The following RANBP17 variants were observed in gnomAD, a reference collection of about 807,000 sequenced individuals.
RANBP17 encodes the protein ran-binding protein 17.
Under a neutral mutation model 141.2 loss-of-function variants are expected in RANBP17, and 158 were observed. That is an observed-to-expected ratio of 1.12 (90% confidence interval 0.98 to 1.28). RANBP17 has a LOEUF of 1.28. Ranked by LOEUF, RANBP17 falls within the 50% of genes most tolerant of loss-of-function variation. RANBP17 has a pLI of 0.00. For missense variants in RANBP17, 1,438 were observed against 1,290.7 expected, an observed-to-expected ratio of 1.11 and a Z score of -1.75; for synonymous variants, 430 against 450.0, an observed-to-expected ratio of 0.96 and a Z score of 0.56.
intron 14 of RANBP17, among the ~76,000 whole-genome samples, chr5:171,120,954 T>C (rs561928089): frequency 6.6e-6 from 1 of 152,332 alleles, no homozygotes; most frequent in South Asian, 2.1e-4. Flanking sequence ...GTGGCTTTGG[T>C]TTTATGTGGA....
At chr5:170,917,386 A>C (rs1027190488) in intron 9 of RANBP17, among the ~76,000 whole-genome samples, 3 of 152,152 alleles carry the variant, frequency 2.0e-5, no homozygotes, top group African/African-American at 7.2e-5. Flanking sequence ...CATTTCAGAG[A>C]ATTGCAAAGC....
At chr5:171,266,924 AAAAAG>A (rs1437623911) in intron 25 of RANBP17, among the ~76,000 whole-genome samples, 3 of 152,140 alleles carry the variant, frequency 2.0e-5, no homozygotes, top group Admixed American at 6.5e-5. Context: ...AAAAAAAAGA[AAAAAG>A]AAAATTTAAA....
intron 14 of RANBP17, among the ~76,000 whole-genome samples, chr5:171,113,977 T>A (rs1755435547): frequency 6.6e-6 from 1 of 152,168 alleles, no homozygotes; most frequent in African/African-American, 2.4e-5. Flanking sequence ...AAAGGCTTTG[T>A]TTCAGAAAAT....
chr5:171,202,126 A>G (rs1176705168), intron 19 of RANBP17, among the ~76,000 whole-genome samples: 1 of 152,230 alleles, frequency 6.6e-6, no homozygotes, highest in Non-Finnish European at 1.5e-5. Context: ...TTGTTAGAGG[A>G]GGAAATGCAG....
chr5:171,208,461 T>C (rs1354081081), intron 20 of RANBP17, among the ~76,000 whole-genome samples: 2 of 152,204 alleles, frequency 1.3e-5, no homozygotes, highest in African/African-American at 4.8e-5. Flanking sequence ...TCTGATCTCC[T>C]TGTTTAAAAT....
intron 14 of RANBP17, among the ~76,000 whole-genome samples, chr5:171,038,019 G>T (rs1388835385): frequency 6.6e-6 from 1 of 152,002 alleles, no homozygotes; most frequent in Non-Finnish European, 1.5e-5. Flanking sequence ...GGACAGTGTG[G>T]CCATTTTAAC....
At chr5:171,214,219 A>G (rs753356629) in intron 21 of RANBP17, among the ~76,000 whole-genome samples, 1 of 152,184 alleles carries the variant, frequency 6.6e-6, no homozygotes, top group Non-Finnish European at 1.5e-5. Flanking sequence ...CTTCTAAGCT[A>G]TACTTCTTCC....
intron 14 of RANBP17, among the ~76,000 whole-genome samples, chr5:171,100,378 T>G (rs1283942661): frequency 6.6e-6 from 1 of 152,262 alleles, no homozygotes; most frequent in Non-Finnish European, 1.5e-5. Flanking sequence ...ATTTTCTAGT[T>G]TATTTGCATA....
At chr5:171,159,671 C>T (rs1759179575) in intron 14 of RANBP17, among the ~76,000 whole-genome samples, 1 of 152,032 alleles carries the variant, frequency 6.6e-6, no homozygotes, top group African/African-American at 2.4e-5. Context: ...CCTATAATCC[C>T]AGCACTTTGG....
intron 5 of RANBP17, among the ~76,000 whole-genome samples, chr5:170,900,363 C>T (rs551562167): frequency 1.3e-5 from 2 of 152,154 alleles, no homozygotes; most frequent in East Asian, 1.9e-4. Flanking sequence ...GTGATCTCCC[C>T]TTTATCGTTT....
chr5:170,937,969 G>A (rs1228378818), intron 12 of RANBP17, among the ~76,000 whole-genome samples: 3 of 151,952 alleles, frequency 2.0e-5, no homozygotes, highest in African/African-American at 7.3e-5. Context: ...CAGATCCTGG[G>A]CTTACAGTAA....
At chr5:170,897,371 TA>T in intron 5 of RANBP17, 4 of 477,948 alleles carry the variant, frequency 8.4e-6, no homozygotes, top group South Asian at 1.8e-5. Flanking sequence ...TTTTTTTTTT[TA>T]AATATTCCAT....
intron 22 of RANBP17, among the ~76,000 whole-genome samples, chr5:171,237,445 T>TA (rs1193152462): frequency 6.6e-6 from 1 of 152,188 alleles, no homozygotes; most frequent in African/African-American, 2.4e-5. Flanking sequence ...CATTCCCCGT[T>TA]ATTGCCTTTG....
chr5:171,293,835 G>T (rs1181988697), intron 25 of RANBP17, 48 bp from the exon 26 acceptor site: 1 of 1,373,506 alleles, frequency 7.3e-7, no homozygotes, highest in African/African-American at 1.4e-5. Flanking sequence ...GGATTAGGGG[G>T]AACTCTGAGA....
intron 22 of RANBP17, 37 bp from the exon 23 acceptor site, chr5:171,240,891 T>G (rs1051281478): frequency 7.1e-7 from 1 of 1,402,790 alleles, no homozygotes; most frequent in African/African-American, 1.4e-5. Flanking sequence ...TTGAATGACA[T>G]CTACTTATGT....
At chr5:171,213,950 C>G (rs986435987) in intron 21 of RANBP17, among the ~76,000 whole-genome samples, 1 of 151,944 alleles carries the variant, frequency 6.6e-6, no homozygotes, top group African/African-American at 2.4e-5. Context: ...TCTATGGGGA[C>G]TAGGGAAATG....
At chr5:171,074,556 A>G (rs544973286) in intron 14 of RANBP17, among the ~76,000 whole-genome samples, 27 of 152,316 alleles carry the variant, frequency 1.8e-4, no homozygotes, top group Non-Finnish European at 3.1e-4. Flanking sequence ...GAGAAGCTCA[A>G]TAGAGGATAT....
At chr5:170,901,190 C>T (rs565114323) in intron 5 of RANBP17, among the ~76,000 whole-genome samples, 1 of 152,280 alleles carries the variant, frequency 6.6e-6, no homozygotes, top group African/African-American at 2.4e-5. Flanking sequence ...AATCTGGGTG[C>T]TCCTGTATTG....
chr5:171,089,186 C>A (rs1785973024), intron 14 of RANBP17, among the ~76,000 whole-genome samples: 1 of 145,074 alleles, frequency 6.9e-6, no homozygotes, highest in Admixed American at 6.9e-5. Context: ...CAGACAGGAC[C>A]CTCAGCTGCA....
Sources: gnomAD v4.1 joint callset for allele counts (sites outside exome capture counted in the v4.1 genomes callset) on GRCh38, gnomAD v4.1.1 for gene constraint, MANE v1.5 for transcripts, NCBI Gene and HGNC (gene_info 2026-07-23, HGNC 2026-07-21) for gene names.